SPRED1: variants seen among roughly 807,000 people sequenced by gnomAD.
SPRED1 encodes the protein sprouty related EVH1 domain containing 1, also known as sprouty-related, EVH1 domain-containing protein 1.
SPRED1 carries 18 observed loss-of-function variants against 52.3 expected under a neutral mutation model. That is an observed-to-expected ratio of 0.34 (90% CI 0.24 to 0.51). SPRED1 has a LOEUF of 0.51. Ranked by LOEUF, SPRED1 falls within the 20% of genes least tolerant of loss-of-function variation. SPRED1 has a pLI of 0.97. For missense variants in SPRED1, 485 were observed against 551.0 expected (o/e 0.88, Z 1.20); for synonymous variants, 155 against 179.7 (o/e 0.86, Z 1.10).
chr15:38,354,137 C>T lies in SPRED1; in HGVS notation c.*2473C>T, dbSNP rs1019585190. ...CAAGACTAACTGATGATATAATGTT[C>T]TCTGAATCCCTATATGGAAATTTTC... On this transcript the variant is annotated 3_prime_UTR_variant, in exon 7 of 7. Transcript: ENST00000299084. 2.0e-5 allele frequency: 3 copies of T among 152,430 alleles called. No individual in the cohort carries two copies. The highest frequency in any genetic ancestry group is 4.4e-5 in the Non-Finnish European group (3 of 68,016). 9.4% of individuals were successfully genotyped at this position (152,430 alleles called of 1,614,324 possible). A position where few individuals can be genotyped will look rare whatever the true frequency, so the allele number is the denominator to read the frequency against.
rs1894011585 is a variant in SPRED1 at position 38,253,024 on chromosome 15, G to A, written c.-162G>A. The A allele has an allele frequency of 3.0e-6, 2 of 673,228 alleles. No individual in the cohort carries two copies. The highest frequency in any genetic ancestry group is 2.7e-5 in the East Asian group (1 of 36,438). 41.7% of individuals were successfully genotyped at this position (673,228 alleles called of 1,614,324 possible). A position where few individuals can be genotyped will look rare whatever the true frequency, so the allele number is the denominator to read the frequency against. On this transcript the variant is annotated 5_prime_UTR_variant, in exon 1 of 7. Coordinates refer to ENST00000299084, the MANE Select transcript of SPRED1 (RefSeq NM_152594.3). ...GCGGGGGTGGCCGGGGTTCCCGGCTGGGGGGGTACCGTTCTGGGTGAGGCA... is the reference window on the plus strand; with the variant it reads ...GCGGGGGTGGCCGGGGTTCCCGGCTAGGGGGGTACCGTTCTGGGTGAGGCA...
intron 4 of SPRED1, among the ~76,000 whole-genome samples, chr15:38,325,078 C>T (rs1895687354): frequency 6.6e-6 from 1 of 151,862 alleles, no homozygotes; most frequent in South Asian, 2.1e-4. Flanking sequence ...GCTGAAGCAA[C>T]CCACCCACCT....
intron 4 of SPRED1, among the ~76,000 whole-genome samples, chr15:38,328,044 TTTATC>T (rs1895739926): frequency 6.6e-6 from 1 of 152,226 alleles, no homozygotes; most frequent in Non-Finnish European, 1.5e-5. Flanking sequence ...TGTGTTCTGA[TTTATC>T]TAGCTACTTT....
chr15:38,306,795 C>G (rs1323278653), intron 2 of SPRED1, among the ~76,000 whole-genome samples: 1 of 152,174 alleles, frequency 6.6e-6, no homozygotes, highest in Non-Finnish European at 1.5e-5. Context: ...TTAACACTTT[C>G]ACCTTTCTTC....
rs1306435872 is a variant in SPRED1, at chr15:38,351,362, G to C, written c.1033G>C (p.Glu345Gln). ...ATACTGCCAGGAAAGGTTTAATCAT[G>C]AAGAAAATGTTAGGGGAAAATGTCA... The part of the protein sequence containing the change: ...CVYCQERFNH[E>Q]ENVRGKCQDA... Residue 345 changes from glutamate (E) to glutamine (Q), a missense_variant, in exon 7 of 7, where the codon GAA becomes CAA. Around this residue, in one of 5 missense-constraint regions of SPRED1, gnomAD observed 205 missense variants for 245.2 expected, o/e 0.84. Transcript: ENST00000299084. The C allele has an allele frequency of 1.2e-6, 2 of 1,613,996 alleles. No homozygotes were observed. Among genetic ancestry groups the C allele is most frequent in the African/African-American group, 2.7e-5 (2 of 74,918 alleles).
intron 1 of SPRED1, among the ~76,000 whole-genome samples, chr15:38,267,076 A>G (rs935909386): frequency 2.0e-5 from 3 of 152,224 alleles, no homozygotes; most frequent in Admixed American, 2.0e-4. Flanking sequence ...CAATAATTAC[A>G]TCAAAAGAAA....
intron 1 of SPRED1, among the ~76,000 whole-genome samples, chr15:38,280,326 A>G (rs1894661156): frequency 6.6e-6 from 1 of 152,150 alleles, no homozygotes; most frequent in Non-Finnish European, 1.5e-5. Context: ...GTTAATGAAA[A>G]TCTCCAAAAA....
intron 1 of SPRED1, among the ~76,000 whole-genome samples, chr15:38,253,901 A>G (rs936854698): frequency 7.9e-5 from 12 of 152,344 alleles, no homozygotes; most frequent in Middle Eastern, 3.4e-3. Context: ...CCTTTCAGCT[A>G]TGTGAAAACA....
chr15:38,274,939 T>C (rs1770069321), intron 1 of SPRED1, among the ~76,000 whole-genome samples: 1 of 152,226 alleles, frequency 6.6e-6, no homozygotes. Flanking sequence ...CATCATTTGG[T>C]TAAGAAGATG....
intron 4 of SPRED1, among the ~76,000 whole-genome samples, chr15:38,337,616 T>C (rs1365565782): frequency 6.6e-6 from 1 of 152,168 alleles, no homozygotes; most frequent in African/African-American, 2.4e-5. Context: ...AAAAGTATTA[T>C]ATTTAAAGTA....
chr15:38,349,922 T>C (rs141782644), intron 6 of SPRED1, among the ~76,000 whole-genome samples: 282 of 152,290 alleles, frequency 1.9e-3, no homozygotes, highest in Non-Finnish European at 3.2e-3. Context: ...GAGCTAAAGA[T>C]ACAAATTTGT....
At chr15:38,269,237 C>T (rs1894377828) in intron 1 of SPRED1, among the ~76,000 whole-genome samples, 1 of 152,016 alleles carries the variant, frequency 6.6e-6, no homozygotes. Context: ...CCACCGCACC[C>T]AGCCAGTACT....
At chr15:38,347,493 G>A (rs1896166181) in intron 5 of SPRED1, among the ~76,000 whole-genome samples, 1 of 97,514 alleles carries the variant, frequency 1.0e-5, no homozygotes, top group Admixed American at 1.2e-4. Context: ...TTTCAATTTG[G>A]CTGTTTGCCC....
chr15:38,264,334 T>G (rs74007120), intron 1 of SPRED1, among the ~76,000 whole-genome samples: 5,150 of 152,272 alleles, frequency 0.034, 293 homozygotes, highest in African/African-American at 0.12. Context: ...GACTAGATTT[T>G]AAAGAAAAAA....
chr15:38,316,748 G>GGTTTTTTTTTTTTTTTTTTTTT lies in SPRED1; in HGVS notation c.208-5493_208-5492insGTTTTTTTTTTTTTTTTTTTTT. On this transcript the variant is annotated intron_variant, in intron 2 of 6. Coordinates refer to ENST00000299084, the MANE Select transcript of SPRED1 (RefSeq NM_152594.3). ...TCTAGTTTACAATTTTCCATTATATGTTTTTTTTTTTTTTTTTTTTTTTTG... is the reference window on the plus strand; with the variant it reads ...TCTAGTTTACAATTTTCCATTATATGGTTTTTTTTTTTTTTTTTTTTTTTTTTTTTTTTTTTTTTTTTTTTTG... Among the ~76,000 whole-genome samples the GGTTTTTTTTTTTTTTTTTTTTT allele has an allele frequency of 1.9e-4, 8 of 41,906 alleles. 1 individual carries two copies. Among genetic ancestry groups the GGTTTTTTTTTTTTTTTTTTTTT allele is most frequent in the Admixed American group, 5.7e-4 (2 of 3,486 alleles). The allele number at this position is 41,906 out of a possible 152,430, so 27.5% of individuals were successfully genotyped here. A position where few individuals can be genotyped will look rare whatever the true frequency, so the allele number is the denominator to read the frequency against.
intron 1 of SPRED1, among the ~76,000 whole-genome samples, chr15:38,290,830 A>G (rs1410511835): frequency 6.6e-6 from 1 of 152,126 alleles, no homozygotes; most frequent in Admixed American, 6.5e-5. Flanking sequence ...GGGAATTCTG[A>G]GAGATACAAT....
rs200974459 is a variant in SPRED1, at chr15:38,351,216, G to A, written c.887G>A (p.Cys296Tyr). ...DSKKSDYLYS[C>Y]GDETKLSSPK... is the part of the protein sequence containing the mutation. ...AAAAAATCAGACTATCTGTACTCTT[G>A]TGGGGATGAGACTAAGTTAAGTTCA... The change falls in exon 7 of 7, where the codon TGT (cysteine) becomes TAT (tyrosine). Residue 296 changes from cysteine (C) to tyrosine (Y), a missense_variant. By Grantham distance (194) the Cys-to-Tyr change is radical. Around this residue, in one of 5 missense-constraint regions of SPRED1, gnomAD observed 205 missense variants for 245.2 expected, o/e 0.84. Transcript: ENST00000299084. The A allele has an allele frequency of 9.4e-5, 151 of 1,614,124 alleles. No individual in the cohort carries two copies. The highest frequency in any genetic ancestry group is 1.3e-4 in the Non-Finnish European group (148 of 1,180,022).
chr15:38,273,016 A>G (rs1894471330), intron 1 of SPRED1, among the ~76,000 whole-genome samples: 1 of 152,324 alleles, frequency 6.6e-6, no homozygotes, highest in Middle Eastern at 3.4e-3. Flanking sequence ...TTTGCTGTGC[A>G]GAAGCTGTTA....
intron 1 of SPRED1, among the ~76,000 whole-genome samples, chr15:38,276,489 A>G (rs902394334): frequency 4.6e-5 from 7 of 152,136 alleles, no homozygotes; most frequent in Non-Finnish European, 8.8e-5. Flanking sequence ...AATGATACAT[A>G]TTTGCTAACC....
Sources: gnomAD v4.1 joint callset for allele counts (sites outside exome capture counted in the v4.1 genomes callset) on GRCh38, gnomAD v4.1.1 for gene constraint, gnomAD v4.1.1 regional missense constraint, MANE v1.5 for transcripts, NCBI Gene and HGNC (gene_info 2026-07-23, HGNC 2026-07-21) for gene names.